B4GALNT3: variants seen among roughly 807,000 people sequenced by gnomAD.
B4GALNT3 encodes beta-1,4-N-acetyl-galactosaminyltransferase 3.
A neutral mutation model predicts 120.2 loss-of-function variants in B4GALNT3; 86 were observed. The ratio of observed to expected loss-of-function variants is 0.72; its 90% CI spans 0.60 to 0.86. The LOEUF (loss-of-function observed/expected upper bound fraction) is 0.86, where lower values mean the gene tolerates loss of function less well. B4GALNT3 is among the 40% of genes least tolerant of loss of function. The pLI is 0.00. For synonymous variants in B4GALNT3, 518 were observed against 510.4 expected, an observed-to-expected ratio of 1.01 and a Z score of -0.20; for missense variants, 1,167 against 1,298.9, an observed-to-expected ratio of 0.90 and a Z score of 1.56.
At chr12:530,678 G>A (rs537963665) in intron 1 of B4GALNT3, among the ~76,000 whole-genome samples, 1 of 152,306 alleles carries the variant, frequency 6.6e-6, no homozygotes, top group East Asian at 1.9e-4. Context: ...CTAAAATGGA[G>A]AAGACAACAC....
chr12:558,154 G>C (rs1426014012), intron 17 of B4GALNT3, 66 bp downstream of exon 17: 2 of 1,556,868 alleles, frequency 1.3e-6, no homozygotes, highest in South Asian at 1.1e-5. Context: ...AGAGACATTT[G>C]GGGTAAATGA....
At chr12:557,572 CTG>C (rs760314184) in intron 15 of B4GALNT3, 34 bp from the exon 16 acceptor site, 16 of 1,588,806 alleles carry the variant, frequency 1.0e-5, no homozygotes, top group South Asian at 3.4e-5. Flanking sequence ...TTTGCCTTGT[CTG>C]TGTTTCCTTC....
At chr12:509,756 G>C (rs1219902565) in intron 1 of B4GALNT3, among the ~76,000 whole-genome samples, 2 of 152,110 alleles carry the variant, frequency 1.3e-5, no homozygotes, top group African/African-American at 2.4e-5. Flanking sequence ...AGCGGAGCTG[G>C]GTTATTCTAA....
intron 1 of B4GALNT3, among the ~76,000 whole-genome samples, chr12:522,291 C>A (rs1331518271): frequency 6.6e-6 from 1 of 152,138 alleles, no homozygotes; most frequent in Non-Finnish European, 1.5e-5. Context: ...AATGGATAAC[C>A]AAAATGTGGT....
chr12:523,039 G>T (rs1326637394), intron 1 of B4GALNT3, among the ~76,000 whole-genome samples: 19 of 147,894 alleles, frequency 1.3e-4, no homozygotes, highest in Admixed American at 1.2e-3. Context: ...ATTTAAAAAA[G>T]AGAGAAAGCA....
intron 1 of B4GALNT3, among the ~76,000 whole-genome samples, chr12:482,104 CAG>C (rs1368236529): frequency 6.6e-6 from 1 of 152,170 alleles, no homozygotes; most frequent in Non-Finnish European, 1.5e-5. Flanking sequence ...TGTTAGTACA[CAG>C]AGAAAATGAC....
In B4GALNT3 at chr12:558,491, C is replaced by T; in HGVS notation, c.2608-17C>T. On this transcript the variant is annotated splice_polypyrimidine_tract_variant and intron_variant, in intron 17 of 19. Transcript: ENST00000266383. ...TGGTCTGCAGGGTCTGCTGACCCTG[C>T]CCACATCTGTCCCCAGGACCCGCAC... The T allele has an allele frequency of 1.2e-6, 2 of 1,612,734 alleles. No homozygotes were observed. The highest frequency in any genetic ancestry group is 1.7e-6 in the Non-Finnish European group (2 of 1,179,136).
intron 19 of B4GALNT3, 97 bp downstream of exon 19, chr12:559,518 G>T: frequency 1.3e-6 from 2 of 1,536,476 alleles, no homozygotes; most frequent in East Asian, 4.6e-5. Flanking sequence ...CCCCTCGGCC[G>T]CAGAGTCCCA....
rs937780110 is a variant in B4GALNT3 at position 460,632 on chromosome 12, C to A, written c.169+87C>A. On this transcript the variant is annotated intron_variant, in intron 1 of 19. Transcript: ENST00000266383. The surrounding 1 kb of genome is among the most constrained non-coding windows in gnomAD (Gnocchi z 8.0). ...TGGGGGGACCCGCCTCTCATCCCAT[C>A]CTCAGACCCGATTTCCCACCCATTT... The A allele has an allele frequency of 7.7e-5, 91 of 1,182,996 alleles. No individual in the cohort carries two copies. The highest frequency in any genetic ancestry group is 5.9e-5 in the Non-Finnish European group (55 of 931,006). 73.3% of individuals were successfully genotyped at this position (1,182,996 alleles called of 1,614,324 possible). A position where few individuals can be genotyped will look rare whatever the true frequency, so the allele number is the denominator to read the frequency against.
At position 558,490 on chromosome 12, in the gene B4GALNT3, G is replaced by A. The variant is rs771359746; in HGVS notation, c.2608-18G>A. ...CTGGTCTGCAGGGTCTGCTGACCCTGCCCACATCTGTCCCCAGGACCCGCA... is the reference window on the plus strand; with the variant it reads ...CTGGTCTGCAGGGTCTGCTGACCCTACCCACATCTGTCCCCAGGACCCGCA... On this transcript the variant is annotated intron_variant, in intron 17 of 19. Coordinates refer to ENST00000266383, the MANE Select transcript of B4GALNT3 (RefSeq NM_173593.4). 3.7e-6 allele frequency: 6 copies of A among 1,612,660 alleles called. No homozygotes were observed. In the African/African-American group the frequency reaches 4.0e-5, roughly 11 times the overall value.
intron 1 of B4GALNT3, among the ~76,000 whole-genome samples, chr12:524,362 T>C (rs1403275830): frequency 6.6e-6 from 1 of 152,192 alleles, no homozygotes; most frequent in Non-Finnish European, 1.5e-5. Context: ...GCCCTCCAGA[T>C]CAGATAATGT....
intron 14 of B4GALNT3, among the ~76,000 whole-genome samples, chr12:556,230 C>A (rs780889804): frequency 6.6e-6 from 1 of 152,104 alleles, no homozygotes; most frequent in African/African-American, 2.4e-5. Context: ...AATGTTGATT[C>A]GACCGTTTTT....
At chr12:511,997 T>C in intron 1 of B4GALNT3, among the ~76,000 whole-genome samples, 1 of 133,028 alleles carries the variant, frequency 7.5e-6, no homozygotes, top group Non-Finnish European at 1.6e-5. Flanking sequence ...GCCTTCCATC[T>C]TCCTTCCACC....
intron 3 of B4GALNT3, 130 bp from the exon 4 acceptor site, chr12:544,209 C>T (rs1465435770): frequency 8.0e-6 from 6 of 747,356 alleles, no homozygotes; most frequent in African/African-American, 3.6e-5. Context: ...CTGGGGAGGG[C>T]ATGGGGTGCT....
Position 553,631 on chromosome 12 carries a change from G to T in B4GALNT3, c.1708G>T (p.Ala570Ser), listed in dbSNP as rs775467784. 1 of 1,614,032 alleles carries T rather than the reference G, an allele frequency of 6.2e-7. No individual in the cohort carries two copies. The highest frequency in any genetic ancestry group is 1.7e-5 in the Admixed American group (1 of 60,036). ...QWLNQVESYI[A>S]EQRRGDRMRP... ...GCTGAACCAGGTGGAGTCGTACATC[G>T]CAGAGCAGAGACGGGGTGACAGGAT... The change falls in exon 14 of 20, where the codon GCA becomes TCA. Residue 570 changes from alanine (A) to serine (S), a missense_variant. Ala to Ser is a moderately conservative substitution (Grantham distance 99, BLOSUM62 1). Around this residue, in one of 3 missense-constraint regions of B4GALNT3, gnomAD observed 983 missense variants for 1,102.5 expected, o/e 0.89. Transcript: ENST00000266383.
chr12:480,107 A>G (rs964742377), intron 1 of B4GALNT3, among the ~76,000 whole-genome samples: 9 of 151,506 alleles, frequency 5.9e-5, no homozygotes, highest in African/African-American at 2.2e-4. Context: ...AGTAGAGACA[A>G]GGTTTCACTG....
At chr12:472,762 T>C (rs1379213357) in intron 1 of B4GALNT3, among the ~76,000 whole-genome samples, 1 of 152,102 alleles carries the variant, frequency 6.6e-6, no homozygotes, top group Non-Finnish European at 1.5e-5. Context: ...TAAAATTTTC[T>C]TTGTAGAGAC....
chr12:537,666 G>A (rs936154849), intron 3 of B4GALNT3, among the ~76,000 whole-genome samples: 8 of 152,184 alleles, frequency 5.3e-5, no homozygotes, highest in Middle Eastern at 3.2e-3. Flanking sequence ...CGAGTAGCAC[G>A]GTGCTTTGGG....
intron 1 of B4GALNT3, among the ~76,000 whole-genome samples, chr12:498,123 C>T (rs1228934964): frequency 2.0e-5 from 3 of 152,200 alleles, no homozygotes; most frequent in Admixed American, 6.5e-5. Context: ...TTCATGCTGT[C>T]TCCTGGGCTT....
Sources: allele counts gnomAD v4.1 joint callset (sites outside exome capture counted in the v4.1 genomes callset), GRCh38; gene constraint gnomAD v4.1.1; regional missense constraint gnomAD v4.1.1; non-coding constraint Gnocchi (gnomAD v3.1); transcripts MANE v1.5; gene names NCBI Gene and HGNC (gene_info 2026-07-23, HGNC 2026-07-21).